Variants in ASAP1 observed in about 807,000 individuals in gnomAD.
The protein encoded by ASAP1 is arf-GAP with SH3 domain, ANK repeat and PH domain-containing protein 1.
In ASAP1, 43 loss-of-function variants were observed where a neutral mutation model predicts 145.2. The ratio of observed to expected loss-of-function variants is 0.30; its 90% CI spans 0.23 to 0.38. The LOEUF (loss-of-function observed/expected upper bound fraction) is 0.38, where lower values mean the gene tolerates loss of function less well. Ranked by LOEUF, ASAP1 falls within the 10% of genes least tolerant of loss-of-function variation. The pLI is 1.00. For missense variants in ASAP1, 1,018 were observed against 1,355.3 expected, an observed-to-expected ratio of 0.75 and a Z score of 3.91; for synonymous variants, 546 against 515.5, an observed-to-expected ratio of 1.06 and a Z score of -0.80.
intron 3 of ASAP1, among the ~76,000 whole-genome samples, chr8:130,283,656 A>G (rs1271475783): frequency 1.3e-5 from 2 of 150,294 alleles, no homozygotes; most frequent in African/African-American, 4.9e-5. Flanking sequence ...AAACAAAGGC[A>G]GGGATGTGTG....
intron 13 of ASAP1, among the ~76,000 whole-genome samples, chr8:130,140,733 C>T (rs939129121): frequency 6.6e-6 from 1 of 152,178 alleles, no homozygotes; most frequent in Non-Finnish European, 1.5e-5. Context: ...CTTGCCTAAA[C>T]ATAGTGCTCT....
At chr8:130,066,328 G>C (rs2097430584) in intron 27 of ASAP1, among the ~76,000 whole-genome samples, 1 of 152,190 alleles carries the variant, frequency 6.6e-6, no homozygotes. Flanking sequence ...GGTGCTATCA[G>C]TTATAGCACA....
At chr8:130,099,680 C>CTTTTTTTTTTTTTTTTTTTT in intron 24 of ASAP1, among the ~76,000 whole-genome samples, 1 of 100,228 alleles carries the variant, frequency 1.0e-5, no homozygotes, top group Non-Finnish European at 2.1e-5. Flanking sequence ...GGATTTCATT[C>CTTTTTTTTTTTTTTTTTTTT]TTTTTTTTTT....
chr8:130,279,142 A>C (rs376634452), intron 3 of ASAP1, among the ~76,000 whole-genome samples: 3 of 152,146 alleles, frequency 2.0e-5, no homozygotes, highest in Non-Finnish European at 4.4e-5. Context: ...TTGATTCACA[A>C]TGAGACAGAG....
At chr8:130,145,163 T>C (rs1160085072) in intron 13 of ASAP1, among the ~76,000 whole-genome samples, 2 of 152,310 alleles carry the variant, frequency 1.3e-5, no homozygotes, top group East Asian at 1.9e-4. Flanking sequence ...TTTGGGCCAA[T>C]ACAGGAAGAA....
At chr8:130,437,503 G>A (rs1003197829) in intron 1 of ASAP1, among the ~76,000 whole-genome samples, 2 of 152,146 alleles carry the variant, frequency 1.3e-5, no homozygotes, top group Non-Finnish European at 2.9e-5. Context: ...CCCACCCACC[G>A]ACCATTCCAC....
chr8:130,406,091 TTTG>T (rs902888889), intron 1 of ASAP1, among the ~76,000 whole-genome samples: 1 of 152,228 alleles, frequency 6.6e-6, no homozygotes, highest in Non-Finnish European at 1.5e-5. Flanking sequence ...CTGTTGGTTT[TTTG>T]TTGTTGTTGT....
At chr8:130,183,639 A>T (rs1356714457) in intron 7 of ASAP1, among the ~76,000 whole-genome samples, 2 of 152,120 alleles carry the variant, frequency 1.3e-5, no homozygotes, top group Non-Finnish European at 2.9e-5. Context: ...ACCGTGCCTG[A>T]AAATTATTAT....
At chr8:130,116,565 C>A in intron 22 of ASAP1, 113 bp downstream of exon 22, 2 of 891,788 alleles carry the variant, frequency 2.2e-6, no homozygotes, top group Non-Finnish European at 3.6e-6. Flanking sequence ...TTTTCTTTAG[C>A]AAGTGTTAAA....
chr8:130,088,567 A>T (rs1454305443), intron 25 of ASAP1, among the ~76,000 whole-genome samples: 5 of 152,216 alleles, frequency 3.3e-5, no homozygotes, highest in African/African-American at 1.2e-4. Flanking sequence ...AAGCTGAGAG[A>T]GGCAAGAAAC....
intron 24 of ASAP1, among the ~76,000 whole-genome samples, chr8:130,098,167 G>A (rs2097522393): frequency 6.6e-6 from 1 of 152,106 alleles, no homozygotes. Context: ...TTAGGAACTT[G>A]GCAAGTCACA....
At chr8:130,317,855 T>TA (rs1373776230) in intron 3 of ASAP1, among the ~76,000 whole-genome samples, 1 of 152,164 alleles carries the variant, frequency 6.6e-6, no homozygotes, top group Non-Finnish European at 1.5e-5. Context: ...TGAGACCTGA[T>TA]ACAGCAGCAA....
intron 3 of ASAP1, among the ~76,000 whole-genome samples, chr8:130,269,380 C>T (rs747146157): frequency 3.3e-5 from 5 of 152,072 alleles, no homozygotes; most frequent in African/African-American, 4.8e-5. Flanking sequence ...ACCTCTAGCT[C>T]GAAGGAAGCA....
intron 15 of ASAP1, among the ~76,000 whole-genome samples, chr8:130,129,451 C>T (rs2097580002): frequency 6.6e-6 from 1 of 152,110 alleles, no homozygotes. Context: ...CTATAATGAA[C>T]TTGTATTACT....
chr8:130,302,942 T>G (rs969009377), intron 3 of ASAP1, among the ~76,000 whole-genome samples: 1 of 152,214 alleles, frequency 6.6e-6, no homozygotes, highest in African/African-American at 2.4e-5. Context: ...AGACCTGGTA[T>G]GTACTCAAGA....
chr8:130,328,918 G>A (rs776132926), intron 3 of ASAP1, among the ~76,000 whole-genome samples: 15 of 152,120 alleles, frequency 9.9e-5, no homozygotes, highest in Non-Finnish European at 1.9e-4. Context: ...ACATGGGTCT[G>A]TATAGATTTT....
At chr8:130,121,459 C>T (rs2097565719) in intron 18 of ASAP1, among the ~76,000 whole-genome samples, 1 of 152,112 alleles carries the variant, frequency 6.6e-6, no homozygotes, top group South Asian at 2.1e-4. Context: ...GGGGCAAAGT[C>T]ACCCTTGGTT....
chr8:130,103,134 G>C (rs2097531548), intron 24 of ASAP1, among the ~76,000 whole-genome samples: 1 of 151,836 alleles, frequency 6.6e-6, no homozygotes, highest in Admixed American at 6.6e-5. Context: ...TTTCTTCTTG[G>C]TTCAATCTTG....
intron 29 of ASAP1, among the ~76,000 whole-genome samples, chr8:130,057,010 T>G (rs1257738821): frequency 6.6e-6 from 1 of 152,240 alleles, no homozygotes; most frequent in Non-Finnish European, 1.5e-5. Flanking sequence ...GCTGATGTCT[T>G]TCCCTCCTGA....
Sources: allele counts gnomAD v4.1 joint callset (sites outside exome capture counted in the v4.1 genomes callset), GRCh38; gene constraint gnomAD v4.1.1; transcripts MANE v1.5; gene names NCBI Gene and HGNC (gene_info 2026-07-23, HGNC 2026-07-21).